Variants in PPP1R42 observed in about 807,000 individuals in gnomAD.
The protein encoded by PPP1R42 is leucine rich repeat containing 67.
In PPP1R42, 34 loss-of-function variants were observed where a neutral mutation model predicts 31.0. The observed-to-expected ratio is 1.10, with a 90% CI of 0.83 to 1.46. The LOEUF (loss-of-function observed/expected upper bound fraction) is 1.46, where lower values mean the gene tolerates loss of function less well. Among genes scored for constraint, PPP1R42 ranks in the 40% most tolerant of loss-of-function variants. PPP1R42 has a pLI of 0.00. For missense variants in PPP1R42, 268 were observed against 303.0 expected (o/e 0.88, Z 0.86); for synonymous variants, 103 against 109.8 (o/e 0.94, Z 0.39).
At chr8:67,010,637 A>C in intron 5 of PPP1R42, 78 bp downstream of exon 5, 1 of 972,062 alleles carries the variant, frequency 1.0e-6, no homozygotes, top group Non-Finnish European at 1.6e-6. Context: ...TGATATATTT[A>C]TTTTATAGCT....
rs1170526623 is a variant in PPP1R42 at position 66,982,081 on chromosome 8, C to T, written c.770G>A (p.Ser257Asn). ...DAKKISKKRS[S>N]KNEDASNSLI... is the part of the protein sequence containing the mutation. ...TGAATTGCTTGCATCCTCATTTTTA[C>T]TGCTCCTTTTTTTGCTGATTTTCTT... Residue 257 changes from serine (S) to asparagine (N), a missense_variant, in exon 7 of 8, where the codon AGT (serine) becomes AAT (asparagine). Ser to Asn is a conservative substitution (Grantham distance 46). Transcript: ENST00000685739. 1 of 1,494,380 alleles carries T rather than the reference C, an allele frequency of 6.7e-7. No individual in the cohort carries two copies. The highest frequency in any genetic ancestry group is 8.8e-7 in the Non-Finnish European group (1 of 1,132,520). 92.6% of individuals were successfully genotyped at this position (1,494,380 alleles called of 1,614,324 possible). A position where few individuals can be genotyped will look rare whatever the true frequency, so the allele number is the denominator to read the frequency against.
intron 7 of PPP1R42, among the ~76,000 whole-genome samples, chr8:66,967,565 A>C (rs1386050799): frequency 6.6e-6 from 1 of 152,236 alleles, no homozygotes; most frequent in Non-Finnish European, 1.5e-5. Flanking sequence ...AACTGTTCAA[A>C]TATAACCTTA....
At chr8:67,019,495 C>T (rs1241483907) in intron 1 of PPP1R42, among the ~76,000 whole-genome samples, 2 of 151,526 alleles carry the variant, frequency 1.3e-5, no homozygotes, top group Non-Finnish European at 2.9e-5. Flanking sequence ...ACCTCGGCCT[C>T]CCAAAGTGCT....
intron 5 of PPP1R42, among the ~76,000 whole-genome samples, chr8:67,008,683 G>A (rs867060021): frequency 1.3e-5 from 2 of 149,290 alleles, no homozygotes; most frequent in South Asian, 2.1e-4. Context: ...TCTCCAGCCT[G>A]GATGACAGAG....
intron 6 of PPP1R42, among the ~76,000 whole-genome samples, chr8:66,982,488 G>A (rs1043380154): frequency 3.3e-5 from 5 of 151,258 alleles, no homozygotes; most frequent in South Asian, 2.1e-4. Context: ...ACAAGTTCTC[G>A]CTCTGTCATC....
At chr8:66,988,654 A>G in intron 5 of PPP1R42, 137 bp from the exon 6 acceptor site, 3 of 678,698 alleles carry the variant, frequency 4.4e-6, no homozygotes, top group Non-Finnish European at 6.8e-6. Flanking sequence ...GAAGGTGCAT[A>G]ATAACTAAAT....
At chr8:66,987,851 T>C (rs952410777) in intron 6 of PPP1R42, among the ~76,000 whole-genome samples, 2 of 152,204 alleles carry the variant, frequency 1.3e-5, no homozygotes, top group African/African-American at 4.8e-5. Flanking sequence ...TGATGCTGTG[T>C]CACTTGGTCA....
chr8:66,973,145 T>C (rs1001190171), intron 7 of PPP1R42, among the ~76,000 whole-genome samples: 1 of 152,214 alleles, frequency 6.6e-6, no homozygotes, highest in Non-Finnish European at 1.5e-5. Flanking sequence ...TTCTGAGTGC[T>C]TTCCATTTTA....
chr8:66,993,714 C>T (rs1815255391), intron 5 of PPP1R42, among the ~76,000 whole-genome samples: 1 of 152,158 alleles, frequency 6.6e-6, no homozygotes, highest in African/African-American at 2.4e-5. Flanking sequence ...TAATGTTTCT[C>T]TTCCCCTGAA....
intron 5 of PPP1R42, among the ~76,000 whole-genome samples, chr8:67,003,280 AT>A (rs1366208775): frequency 2.8e-5 from 4 of 142,308 alleles, no homozygotes; most frequent in Non-Finnish European, 6.1e-5. Context: ...TATACAGTAT[AT>A]TTATAATTTT....
chr8:66,988,059 A>G, intron 6 of PPP1R42: 1 of 741,188 alleles, frequency 1.3e-6, no homozygotes, highest in Non-Finnish European at 1.7e-6. Context: ...ACCAAGAGCT[A>G]AGGAGTCTCT....
At chr8:66,971,004 G>A (rs982440460) in intron 7 of PPP1R42, 1 of 1,524,528 alleles carries the variant, frequency 6.6e-7, no homozygotes, top group Non-Finnish European at 8.8e-7. Context: ...TAATTTTAGT[G>A]TAATCTTCTC....
chr8:66,984,110 A>G, intron 6 of PPP1R42: 1 of 1,575,186 alleles, frequency 6.3e-7, no homozygotes, highest in Non-Finnish European at 8.7e-7. Flanking sequence ...GCAAGAGGGG[A>G]GAGGCAAGGG....
At chr8:67,009,342 C>T (rs978822909) in intron 5 of PPP1R42, among the ~76,000 whole-genome samples, 1 of 152,092 alleles carries the variant, frequency 6.6e-6, no homozygotes, top group African/African-American at 2.4e-5. Flanking sequence ...CCGAGGTGGG[C>T]AGATCCCCTG....
chr8:66,989,642 A>C (rs909699452), intron 5 of PPP1R42, among the ~76,000 whole-genome samples: 5 of 152,206 alleles, frequency 3.3e-5, no homozygotes, highest in East Asian at 1.9e-4. Flanking sequence ...GGGAGTGCAC[A>C]TGTTGCTTTT....
rs766784744 is a variant in PPP1R42 at position 67,014,564 on chromosome 8, C to T, written c.158G>A (p.Ser53Asn). 37 of 1,534,322 alleles carry T rather than the reference C, an allele frequency of 2.4e-5. No individual in the cohort carries two copies. Among genetic ancestry groups the T allele is most frequent in the South Asian group, 2.0e-4 (16 of 80,244 alleles). ...IEDLSLCKNL[S>N]VLYLYDNCIS... ...ACAATTATCATATAAATATAAAACA[C>T]TAAGATTTTTGCAAAGAGAGAGGTC... The change falls in exon 3 of 8, where the codon AGT becomes AAT. Residue 53 changes from serine to asparagine, a missense_variant. Physicochemically the swap from Ser to Asn is conservative, Grantham distance 46. Transcript: ENST00000685739.
intron 5 of PPP1R42, among the ~76,000 whole-genome samples, chr8:66,991,750 C>T (rs539031267): frequency 1.3e-5 from 2 of 152,056 alleles, no homozygotes; most frequent in Admixed American, 6.6e-5. Context: ...CCAGTATCTC[C>T]GTCTTATCTG....
chr8:67,017,837 G>A lies in PPP1R42; in HGVS notation c.-84-6C>T. 3 of 1,356,726 alleles carry A rather than the reference G, an allele frequency of 2.2e-6. No individual in the cohort carries two copies. Among genetic ancestry groups the A allele is most frequent in the Non-Finnish European group, 2.9e-6 (3 of 1,041,842 alleles). The allele number at this position is 1,356,726 out of a possible 1,614,324, so 84.0% of individuals were successfully genotyped here. A position where few individuals can be genotyped will look rare whatever the true frequency, so the allele number is the denominator to read the frequency against. On this transcript the variant is annotated splice_polypyrimidine_tract_variant and splice_region_variant and intron_variant, in intron 1 of 7. Coordinates refer to ENST00000685739, the MANE Select transcript of PPP1R42 (RefSeq NM_001364910.1). ...TAGGTATTATTTCCAACTTTCTGAA[G>A]ATTAAAGAAAAAAGGAGCATTATGA...
chr8:66,973,116 C>T (rs1380194329), intron 7 of PPP1R42, among the ~76,000 whole-genome samples: 2 of 152,056 alleles, frequency 1.3e-5, no homozygotes, highest in Admixed American at 6.6e-5. Context: ...TCCCTTGCCC[C>T]CTCTTCTTTG....
Sources: allele counts gnomAD v4.1 joint callset (sites outside exome capture counted in the v4.1 genomes callset), GRCh38; gene constraint gnomAD v4.1.1; transcripts MANE v1.5; gene names NCBI Gene and HGNC (gene_info 2026-07-23, HGNC 2026-07-21).